FHOD3: variants seen among roughly 807,000 people sequenced by gnomAD.
FHOD3 encodes FH1/FH2 domain-containing protein 3.
In FHOD3, 90 loss-of-function variants were observed where a neutral mutation model predicts 173.0. That is an observed-to-expected ratio of 0.52 (90% CI 0.44 to 0.62). FHOD3 has a LOEUF of 0.62. Among genes scored for constraint, FHOD3 ranks in the 20% least tolerant of loss-of-function variants. The probability of loss-of-function intolerance (pLI) is 0.00; values close to 1 mark genes in which losing one functional copy is unlikely to be tolerated. For synonymous variants in FHOD3, 828 were observed against 823.0 expected (o/e 1.01, Z -0.10); for missense variants, 1,945 against 2,034.7 (o/e 0.96, Z 0.85).
At chr18:36,345,500 A>G (rs1606593) in intron 1 of FHOD3, among the ~76,000 whole-genome samples, 21,636 of 152,156 alleles carry the variant, frequency 0.14, 1,978 homozygotes, top group South Asian at 0.34. Flanking sequence ...GTGCAGTGGC[A>G]CGATCATAGC....
At chr18:36,477,351 G>A (rs1368148451) in intron 3 of FHOD3, among the ~76,000 whole-genome samples, 1 of 152,156 alleles carries the variant, frequency 6.6e-6, no homozygotes, top group African/African-American at 2.4e-5. Context: ...GCTTGGTATT[G>A]AATATTAATC....
intron 10 of FHOD3, among the ~76,000 whole-genome samples, chr18:36,638,313 T>C (rs937904294): frequency 1.3e-5 from 2 of 152,104 alleles, no homozygotes; most frequent in Admixed American, 6.5e-5. Context: ...TATATCTGGG[T>C]ATCTAATAGG....
chr18:36,735,290 C>T (rs1276893131), intron 20 of FHOD3, among the ~76,000 whole-genome samples: 3 of 152,168 alleles, frequency 2.0e-5, no homozygotes, highest in Admixed American at 6.5e-5. Flanking sequence ...TCCACAGGTG[C>T]CCAGCTGCGC....
intron 3 of FHOD3, among the ~76,000 whole-genome samples, chr18:36,406,688 G>A (rs868263792): frequency 2.0e-4 from 30 of 152,316 alleles, no homozygotes; most frequent in Admixed American, 1.4e-3. Flanking sequence ...GAAGGTTATT[G>A]CGGAATTTTG....
intron 27 of FHOD3, among the ~76,000 whole-genome samples, chr18:36,762,978 A>G (rs1478293497): frequency 6.7e-6 from 1 of 148,320 alleles, no homozygotes; most frequent in Non-Finnish European, 1.5e-5. Flanking sequence ...TGCGTATTAT[A>G]TACGTTATAT....
chr18:36,769,449 G>A (rs763732026), intron 28 of FHOD3, 23 bp downstream of exon 28: 6 of 1,610,754 alleles, frequency 3.7e-6, no homozygotes, highest in Admixed American at 3.3e-5. Flanking sequence ...AAGGAGGGGC[G>A]AGCCTTCACC....
chr18:36,754,757 C>T (rs1167592073), intron 24 of FHOD3, among the ~76,000 whole-genome samples: 2 of 151,570 alleles, frequency 1.3e-5, no homozygotes, highest in Non-Finnish European at 2.9e-5. Context: ...ATTTTTCTTA[C>T]AAAAGTTTTA....
chr18:36,693,272 G>T lies in FHOD3; in HGVS notation c.2085G>T (p.Val695=). ...AGAAGGAGCTGAGAAGCCGGAGTGT[G>T]AGCCGGGGCAGAGCCGACCTCTCCT... ...EHEKELRSRS[V]SRGRADLSLD... is the part of the protein sequence containing the mutation. The change falls in exon 17 of 29, where the codon GTG becomes GTT. Residue 695 remains valine (V), a synonymous_variant. Coordinates refer to ENST00000590592, the MANE Select transcript of FHOD3 (RefSeq NM_001281740.3). 6.2e-7 allele frequency: 1 copy of T among 1,613,898 alleles called. No homozygotes were observed. The highest frequency in any genetic ancestry group is 1.1e-5 in the South Asian group (1 of 91,032).
chr18:36,616,358 A>C (rs531492254), intron 9 of FHOD3, among the ~76,000 whole-genome samples: 4 of 152,316 alleles, frequency 2.6e-5, no homozygotes, highest in South Asian at 2.1e-4. Context: ...CCCATCAGTG[A>C]ACAAACTGGG....
intron 14 of FHOD3, among the ~76,000 whole-genome samples, chr18:36,678,771 A>G (rs1454047767): frequency 6.6e-6 from 1 of 152,110 alleles, no homozygotes; most frequent in Non-Finnish European, 1.5e-5. Context: ...AATTGTATTC[A>G]TTTATACTGT....
intron 5 of FHOD3, among the ~76,000 whole-genome samples, chr18:36,539,093 TAAG>T (rs1469919699): frequency 6.6e-6 from 1 of 152,256 alleles, no homozygotes; most frequent in Non-Finnish European, 1.5e-5. Context: ...TTAGCTTCTA[TAAG>T]ACCACTATCC....
intron 5 of FHOD3, among the ~76,000 whole-genome samples, chr18:36,559,161 T>C (rs2058000929): frequency 6.6e-6 from 1 of 152,186 alleles, no homozygotes; most frequent in African/African-American, 2.4e-5. Flanking sequence ...TTGGATTCTT[T>C]GGGGGCTTAT....
At chr18:36,747,656 A>G (rs1172579602) in intron 24 of FHOD3, among the ~76,000 whole-genome samples, 1 of 152,238 alleles carries the variant, frequency 6.6e-6, no homozygotes. Flanking sequence ...GAGTCACAGG[A>G]TCCAAGAGGA....
chr18:36,507,778 C>T (rs2055383237), intron 4 of FHOD3, among the ~76,000 whole-genome samples: 1 of 152,188 alleles, frequency 6.6e-6, no homozygotes. Context: ...CTTCTTCACC[C>T]TCCATTATGT....
chr18:36,625,698 C>T lies in FHOD3; in HGVS notation c.1145C>T (p.Ser382Phe). Residue 382 changes from serine (S) to phenylalanine (F), a missense_variant, in exon 10 of 29, where the codon TCC becomes TTC. By Grantham distance (155) the Ser-to-Phe change is radical. Coordinates refer to ENST00000590592, the MANE Select transcript of FHOD3 (RefSeq NM_001281740.3). ...CTGTCGGCCCCCACCAGTCCCTGCT[C>T]CCAGTCAGCTCCCAGCTTCAAGCCC... ...STLSAPTSPC[S>F]QSAPSFKPNQ... 6.2e-7 allele frequency: 1 copy of T among 1,610,450 alleles called. No homozygotes were observed. Among genetic ancestry groups the T allele is most frequent in the Admixed American group, 1.7e-5 (1 of 59,732 alleles).
intron 20 of FHOD3, among the ~76,000 whole-genome samples, chr18:36,738,308 T>TA (rs1261735255): frequency 1.3e-5 from 2 of 152,230 alleles, no homozygotes; most frequent in African/African-American, 4.8e-5. Flanking sequence ...AGTGTTTGTG[T>TA]CAAAGTAAGT....
chr18:36,377,580 A>G (rs1461410158), intron 3 of FHOD3, among the ~76,000 whole-genome samples: 1 of 152,190 alleles, frequency 6.6e-6, no homozygotes, highest in Non-Finnish European at 1.5e-5. Flanking sequence ...TTTCTGTGCT[A>G]GCTAGTAAAG....
intron 19 of FHOD3, among the ~76,000 whole-genome samples, chr18:36,722,905 C>T (rs2040861689): frequency 6.6e-6 from 1 of 151,980 alleles, no homozygotes; most frequent in Non-Finnish European, 1.5e-5. Context: ...TCCTCCTATG[C>T]TGTATTCAAG....
At chr18:36,580,603 G>A (rs778269907) in intron 6 of FHOD3, among the ~76,000 whole-genome samples, 1 of 152,200 alleles carries the variant, frequency 6.6e-6, no homozygotes, top group Non-Finnish European at 1.5e-5. Context: ...TTTATTTCCA[G>A]TCTACATAGT....
Sources: allele counts gnomAD v4.1 joint callset (sites outside exome capture counted in the v4.1 genomes callset), GRCh38; gene constraint gnomAD v4.1.1; transcripts MANE v1.5; gene names NCBI Gene and HGNC (gene_info 2026-07-23, HGNC 2026-07-21).